The following NFIA variants were observed in gnomAD, a reference collection of about 807,000 sequenced individuals.
The protein encoded by NFIA is nuclear factor I A.
NFIA carries 8 observed loss-of-function variants against 62.8 expected under a neutral mutation model. The ratio of observed to expected loss-of-function variants is 0.13; its 90% CI spans 0.07 to 0.23. The LOEUF (loss-of-function observed/expected upper bound fraction) is 0.23. NFIA is among the 10% of genes least tolerant of loss of function. The pLI is 1.00. For synonymous variants in NFIA, 235 were observed against 238.1 expected (o/e 0.99, Z 0.12); for missense variants, 410 against 642.1 (o/e 0.64, Z 3.91).
At chr1:61,165,884 G>A (rs1481624870) in intron 2 of NFIA, among the ~76,000 whole-genome samples, 1 of 152,166 alleles carries the variant, frequency 6.6e-6, no homozygotes, top group Admixed American at 6.5e-5. Flanking sequence ...TAATCACTTT[G>A]TCAGGCTGAG....
At position 61,341,550 on chromosome 1, in the gene NFIA, C is replaced by A. The variant is rs578191661; in HGVS notation, c.700+8964C>A. Among the ~76,000 whole-genome samples, 243 of 150,900 alleles carry A rather than the reference C, an allele frequency of 1.6e-3. 4 individuals are homozygous for A. Among genetic ancestry groups the A allele is most frequent in the South Asian group, 4.8e-3 (23 of 4,824 alleles). ...CTGGAGTGTGGTGATACAATCATGG[C>A]TCCCTGTAACTCCACCTCCCAGGCC... On this transcript the variant is annotated intron_variant, in intron 4 of 10. Transcript: ENST00000403491.
chr1:61,084,676 A>G (rs1308668690), intron 1 of NFIA, among the ~76,000 whole-genome samples: 5 of 152,198 alleles, frequency 3.3e-5, no homozygotes, highest in Non-Finnish European at 7.3e-5. Context: ...ATAAAGGGAA[A>G]GGACCCTAAC....
At chr1:61,107,847 G>C (rs1196866258) in intron 2 of NFIA, among the ~76,000 whole-genome samples, 1 of 151,564 alleles carries the variant, frequency 6.6e-6, no homozygotes, top group Non-Finnish European at 1.5e-5. Flanking sequence ...GTGAGGTAGG[G>C]ATCCAATTTC....
chr1:61,172,226 T>G (rs1650011679), intron 2 of NFIA, among the ~76,000 whole-genome samples: 1 of 152,190 alleles, frequency 6.6e-6, no homozygotes, highest in African/African-American at 2.4e-5. Context: ...TTTGAAATAA[T>G]TCTGTATTAG....
At chr1:61,312,319 A>G (rs1660161049) in intron 3 of NFIA, among the ~76,000 whole-genome samples, 1 of 152,218 alleles carries the variant, frequency 6.6e-6, no homozygotes. Context: ...CAGTGTCCAC[A>G]TGCCCAAGGG....
chr1:61,414,539 T>G (rs1666267732), intron 9 of NFIA, among the ~76,000 whole-genome samples: 1 of 79,638 alleles, frequency 1.3e-5, no homozygotes, highest in African/African-American at 4.2e-5. Context: ...GTTTTTTGTT[T>G]TGTTTTTTTT....
At chr1:61,412,780 A>G (rs1460841947) in intron 9 of NFIA, among the ~76,000 whole-genome samples, 1 of 152,216 alleles carries the variant, frequency 6.6e-6, no homozygotes, top group Non-Finnish European at 1.5e-5. Context: ...ACAATGAATG[A>G]ATAGACCTAA....
chr1:61,223,822 A>G (rs748577763), intron 2 of NFIA, among the ~76,000 whole-genome samples: 2 of 152,134 alleles, frequency 1.3e-5, no homozygotes, highest in African/African-American at 2.4e-5. Context: ...TCTATTAACA[A>G]ATACTTTGAG....
intron 2 of NFIA, among the ~76,000 whole-genome samples, chr1:61,110,467 A>G (rs1646676892): frequency 1.3e-5 from 2 of 151,152 alleles, no homozygotes; most frequent in Admixed American, 6.6e-5. Flanking sequence ...ACGAACAAAT[A>G]TATATACACA....
intron 3 of NFIA, among the ~76,000 whole-genome samples, chr1:61,324,076 C>T (rs1660812213): frequency 6.6e-6 from 1 of 152,170 alleles, no homozygotes; most frequent in Non-Finnish European, 1.5e-5. Context: ...ATTAACGAGC[C>T]ACATTCCCAC....
intron 2 of NFIA, among the ~76,000 whole-genome samples, chr1:61,261,158 C>G (rs1557668313): frequency 6.6e-6 from 1 of 152,196 alleles, no homozygotes; most frequent in East Asian, 1.9e-4. Flanking sequence ...AACCCAGCTT[C>G]TAACAGTTGA....
chr1:61,288,282 G>GC (rs1162904185), intron 3 of NFIA, among the ~76,000 whole-genome samples: 1 of 152,086 alleles, frequency 6.6e-6, no homozygotes, highest in Non-Finnish European at 1.5e-5. Flanking sequence ...TAGAGAAATG[G>GC]CATTTCTGAT....
At chr1:61,149,551 A>G (rs1648255753) in intron 2 of NFIA, among the ~76,000 whole-genome samples, 1 of 152,170 alleles carries the variant, frequency 6.6e-6, no homozygotes, top group South Asian at 2.1e-4. Context: ...ACCAGTACCA[A>G]CTAATTCCTC....
chr1:61,287,595 A>C (rs1299878225), intron 3 of NFIA, among the ~76,000 whole-genome samples: 2 of 152,064 alleles, frequency 1.3e-5, no homozygotes, highest in Non-Finnish European at 2.9e-5. Flanking sequence ...ACTTGTGGCC[A>C]GGAGTTTGAG....
chr1:61,177,027 A>C (rs906530743), intron 2 of NFIA, among the ~76,000 whole-genome samples: 5 of 151,852 alleles, frequency 3.3e-5, no homozygotes, highest in Admixed American at 2.0e-4. Flanking sequence ...AATAGCGTGA[A>C]CCTGGGAGGC....
intron 2 of NFIA, among the ~76,000 whole-genome samples, chr1:61,158,926 T>G (rs940795217): frequency 1.3e-5 from 2 of 152,236 alleles, no homozygotes; most frequent in African/African-American, 2.4e-5. Flanking sequence ...AGTTGAAGAA[T>G]GTGGGAAAGA....
chr1:61,129,445 T>C (rs538063223), intron 2 of NFIA, among the ~76,000 whole-genome samples: 1 of 112,506 alleles, frequency 8.9e-6, no homozygotes, highest in Admixed American at 1.3e-4. Context: ...GATACTTTCT[T>C]TATTCTTTTT....
intron 2 of NFIA, among the ~76,000 whole-genome samples, chr1:61,258,390 CA>C (rs1238217641): frequency 2.0e-5 from 3 of 152,292 alleles, no homozygotes; most frequent in Non-Finnish European, 4.4e-5. Flanking sequence ...ATGCGTGCTA[CA>C]ATGAAAACCA....
chr1:61,420,167 C>T (rs1168912952), intron 9 of NFIA, among the ~76,000 whole-genome samples: 2 of 152,174 alleles, frequency 1.3e-5, no homozygotes, highest in Non-Finnish European at 2.9e-5. Context: ...AATACTAACC[C>T]AGGCCCTGTA....
Sources: gnomAD v4.1 joint callset for allele counts (sites outside exome capture counted in the v4.1 genomes callset) on GRCh38, gnomAD v4.1.1 for gene constraint, MANE v1.5 for transcripts, NCBI Gene and HGNC (gene_info 2026-07-23, HGNC 2026-07-21) for gene names.